Variants in PLCE1 observed in about 807,000 individuals in gnomAD.
PLCE1 encodes 1-phosphatidylinositol 4,5-bisphosphate phosphodiesterase epsilon-1.
PLCE1 carries 119 observed loss-of-function variants against 242.8 expected under a neutral mutation model. The ratio of observed to expected loss-of-function variants is 0.49; its 90% confidence interval spans 0.42 to 0.57. The LOEUF (loss-of-function observed/expected upper bound fraction) is 0.57, where lower values mean the gene tolerates loss of function less well. Among genes scored for constraint, PLCE1 ranks in the 20% least tolerant of loss-of-function variants. PLCE1 has a pLI of 0.00. For missense variants in PLCE1, 2,441 were observed against 2,788.8 expected, an observed-to-expected ratio of 0.88 and a Z score of 2.81; for synonymous variants, 945 against 1,017.4, an observed-to-expected ratio of 0.93 and a Z score of 1.35.
chr10:94,005,867 G>A (rs974141567), intron 1 of PLCE1, among the ~76,000 whole-genome samples: 4 of 152,184 alleles, frequency 2.6e-5, no homozygotes, highest in African/African-American at 9.7e-5. Flanking sequence ...TTTCCCAATA[G>A]AGTGTATGTG....
chr10:93,995,341 G>A (rs562264317), intron 1 of PLCE1, among the ~76,000 whole-genome samples: 33 of 152,338 alleles, frequency 2.2e-4, no homozygotes, highest in Admixed American at 7.2e-4. Context: ...CCACTCTAAA[G>A]TCTAACCATC....
intron 4 of PLCE1, among the ~76,000 whole-genome samples, chr10:94,172,928 A>G (rs1265621506): frequency 2.6e-5 from 4 of 152,238 alleles, no homozygotes; most frequent in Non-Finnish European, 5.9e-5. Context: ...AGTGACCATG[A>G]TAAGGCCCAT....
At chr10:94,209,990 C>T (rs992172052) in intron 4 of PLCE1, among the ~76,000 whole-genome samples, 4 of 152,080 alleles carry the variant, frequency 2.6e-5, no homozygotes, top group Non-Finnish European at 4.4e-5. Flanking sequence ...ATTGGTGATA[C>T]TAGAGCTGAG....
intron 2 of PLCE1, among the ~76,000 whole-genome samples, chr10:94,079,984 A>G (rs769238440): frequency 2.0e-5 from 3 of 152,150 alleles, no homozygotes; most frequent in Non-Finnish European, 4.4e-5. Flanking sequence ...TACTATTGTG[A>G]TGGGGAATCC....
chr10:93,997,632 C>CTTTTT (rs34338995), intron 1 of PLCE1, among the ~76,000 whole-genome samples: 252 of 79,740 alleles, frequency 3.2e-3, no homozygotes, highest in Non-Finnish European at 3.6e-3. Context: ...AATAACCATC[C>CTTTTT]TTTTTTTTTT....
intron 1 of PLCE1, among the ~76,000 whole-genome samples, chr10:94,001,159 A>G (rs1338143154): frequency 1.3e-5 from 2 of 152,184 alleles, no homozygotes; most frequent in Non-Finnish European, 2.9e-5. Flanking sequence ...ATATCTGGGG[A>G]AAATAAAACA....
intron 4 of PLCE1, among the ~76,000 whole-genome samples, chr10:94,219,834 C>A (rs1471514951): frequency 6.6e-6 from 1 of 152,000 alleles, no homozygotes; most frequent in Non-Finnish European, 1.5e-5. Context: ...CCTTGAAAGC[C>A]AAAAAGAGAT....
At position 94,030,891 on chromosome 10, in the gene PLCE1, C is replaced by T; in HGVS notation, c.-156C>T. 2 of 725,596 alleles carry T rather than the reference C, an allele frequency of 2.8e-6. No homozygotes were observed. The highest frequency in any genetic ancestry group is 5.3e-5 in the East Asian group (2 of 38,074). The allele number at this position is 725,596 out of a possible 1,614,324, so 44.9% of individuals were successfully genotyped here. Reference sequence around the variant, plus strand: ...TATAACTAAGAAAATTTATTTGCCTCTTAATGCTCCTGAATGAAAGGAATT... The same window carrying T: ...TATAACTAAGAAAATTTATTTGCCTTTTAATGCTCCTGAATGAAAGGAATT... On this transcript the variant is annotated 5_prime_UTR_variant, in exon 2 of 33. Transcript: ENST00000371380.
chr10:94,062,832 A>C (rs895609565), intron 2 of PLCE1, among the ~76,000 whole-genome samples: 2 of 152,116 alleles, frequency 1.3e-5, no homozygotes, highest in Non-Finnish European at 2.9e-5. Flanking sequence ...AGGTTCCGGG[A>C]AAGTACATGA....
chr10:94,118,103 A>T (rs1564704532), intron 2 of PLCE1, among the ~76,000 whole-genome samples: 1 of 152,174 alleles, frequency 6.6e-6, no homozygotes, highest in Non-Finnish European at 1.5e-5. Context: ...AAGGTTTTTT[A>T]AAAAAAGTTT....
At chr10:94,156,064 ATC>A (rs2047423721) in intron 3 of PLCE1, among the ~76,000 whole-genome samples, 1 of 152,264 alleles carries the variant, frequency 6.6e-6, no homozygotes, top group South Asian at 2.1e-4. Flanking sequence ...ATGTTCTGAC[ATC>A]TTGATGGGGT....
At chr10:94,256,887 T>C (rs1222041333) in intron 11 of PLCE1, among the ~76,000 whole-genome samples, 2 of 152,198 alleles carry the variant, frequency 1.3e-5, no homozygotes, top group Admixed American at 6.5e-5. Flanking sequence ...CTAAGTCTGA[T>C]AGTGGGAAGA....
intron 25 of PLCE1, among the ~76,000 whole-genome samples, chr10:94,305,394 C>T (rs939521922): frequency 6.6e-6 from 1 of 152,212 alleles, no homozygotes; most frequent in African/African-American, 2.4e-5. Context: ...AAGATTGCAC[C>T]ACTGCACTCC....
intron 4 of PLCE1, among the ~76,000 whole-genome samples, chr10:94,197,873 C>A (rs1405146926): frequency 6.8e-6 from 1 of 147,368 alleles, no homozygotes; most frequent in African/African-American, 2.5e-5. Flanking sequence ...ATTCCAGCTA[C>A]GTGGGAGGCT....
chr10:94,031,182 C>T lies in PLCE1; in HGVS notation c.136C>T (p.Arg46Ter), dbSNP rs754972798. 16 of 1,613,740 alleles carry T rather than the reference C, an allele frequency of 9.9e-6. No homozygotes were observed. The highest frequency in any genetic ancestry group is 4.5e-5 in the East Asian group (2 of 44,846). Residue 46 changes from arginine (R) to a stop codon, truncating the protein, a stop_gained, in exon 2 of 33, where the codon CGA becomes TGA. Coordinates refer to ENST00000371380, the MANE Select transcript of PLCE1 (RefSeq NM_016341.4). LOFTEE classifies it high-confidence loss of function. ...TATTTCAAAAGCACATACTGTCAGACGAAGTGGGGAGACTTCTCATACCAT... is the reference window on the plus strand; with the variant it reads ...TATTTCAAAAGCACATACTGTCAGATGAAGTGGGGAGACTTCTCATACCAT... ...INISKAHTVR[R>*]SGETSHTISQ...
intron 2 of PLCE1, among the ~76,000 whole-genome samples, chr10:94,079,331 G>A (rs2044591633): frequency 6.6e-6 from 1 of 152,118 alleles, no homozygotes; most frequent in African/African-American, 2.4e-5. Flanking sequence ...TCTGGAGCCT[G>A]GAATTGACAT....
At chr10:94,032,312 G>A (rs2061576084) in intron 2 of PLCE1, 60 bp downstream of exon 2, 2 of 1,499,446 alleles carry the variant, frequency 1.3e-6, no homozygotes, top group Non-Finnish European at 1.8e-6. Context: ...TCAAAAAAAA[G>A]TCCAAATTTC....
intron 20 of PLCE1, 75 bp from the exon 21 acceptor site, chr10:94,283,715 T>C: frequency 2.0e-6 from 3 of 1,495,250 alleles, no homozygotes; most frequent in Non-Finnish European, 2.8e-6. Flanking sequence ...CTGGATGTCC[T>C]CACAGTGATG....
intron 3 of PLCE1, among the ~76,000 whole-genome samples, chr10:94,151,733 A>G (rs2047282323): frequency 1.3e-5 from 2 of 152,258 alleles, no homozygotes; most frequent in South Asian, 2.1e-4. Context: ...AATGAGCACC[A>G]TGGCTGGAGA....
Sources: gnomAD v4.1 joint callset for allele counts (sites outside exome capture counted in the v4.1 genomes callset) on GRCh38, gnomAD v4.1.1 for gene constraint, MANE v1.5 for transcripts, NCBI Gene and HGNC (gene_info 2026-07-23, HGNC 2026-07-21) for gene names.